The following APPL2 variants were observed in gnomAD, a reference collection of about 807,000 sequenced individuals.
APPL2 encodes adaptor protein, phosphotyrosine interacting with PH domain and leucine zipper 2, also known as DCC-interacting protein 13-beta.
In APPL2, 84 loss-of-function variants were observed where a neutral mutation model predicts 92.7. The ratio of observed to expected loss-of-function variants is 0.91; its 90% CI spans 0.76 to 1.09. The LOEUF is 1.09. APPL2 is among the 50% of genes least tolerant of loss of function. The probability of loss-of-function intolerance (pLI) is 0.00; values close to 1 mark genes in which losing one functional copy is unlikely to be tolerated. For synonymous variants in APPL2, 291 were observed against 291.0 expected, an observed-to-expected ratio of 1.00 and a Z score of 0.00; for missense variants, 736 against 824.5, an observed-to-expected ratio of 0.89 and a Z score of 1.31.
At chr12:105,227,607 T>C (rs147110143) in intron 2 of APPL2, among the ~76,000 whole-genome samples, 339 of 152,308 alleles carry the variant, frequency 2.2e-3, no homozygotes, top group Non-Finnish European at 3.8e-3. Context: ...GACCCCTTCA[T>C]ACCCAATCAA....
intron 17 of APPL2, among the ~76,000 whole-genome samples, chr12:105,180,449 G>A (rs570833106): frequency 2.0e-5 from 3 of 152,246 alleles, no homozygotes; most frequent in South Asian, 4.1e-4. Flanking sequence ...GGATTATCTG[G>A]GCTATGCGGG....
chr12:105,190,039 T>C lies in APPL2; in HGVS notation c.1358A>G (p.Asp453Gly), dbSNP rs1319286498. 1.2e-6 allele frequency: 2 copies of C among 1,614,200 alleles called. No individual in the cohort carries two copies. The highest frequency in any genetic ancestry group is 2.2e-5 in the East Asian group (1 of 44,886). ...GAATTCTGTAGCAGGAAGCACAATATCGAATTGAATCGGCGTTCCAGGCGC... is the reference window on the plus strand; with the variant it reads ...GAATTCTGTAGCAGGAAGCACAATACCGAATTGAATCGGCGTTCCAGGCGC... ...LIAPGTPIQF[D>G]IVLPATEFLD... Residue 453 changes from aspartate (D) to glycine (G), a missense_variant, in exon 15 of 21, where the codon GAT becomes GGT. Transcript: ENST00000258530.
At chr12:105,185,324 C>T (rs1459301404) in intron 17 of APPL2, among the ~76,000 whole-genome samples, 2 of 152,314 alleles carry the variant, frequency 1.3e-5, no homozygotes, top group Non-Finnish European at 2.9e-5. Flanking sequence ...TCTCCTGCAG[C>T]TAGCTCAGTG....
At chr12:105,188,135 A>G (rs1886891202) in intron 17 of APPL2, 138 bp downstream of exon 17, 1 of 937,610 alleles carries the variant, frequency 1.1e-6, no homozygotes, top group African/African-American at 1.7e-5. Context: ...TAGGCTATCT[A>G]TCTTATGTAA....
At chr12:105,201,848 G>A (rs1888236286) in intron 9 of APPL2, among the ~76,000 whole-genome samples, 1 of 152,282 alleles carries the variant, frequency 6.6e-6, no homozygotes, top group South Asian at 2.1e-4. Flanking sequence ...TGGAAACCAT[G>A]CCACGCTGTC....
At chr12:105,206,474 G>C (rs1888712169) in intron 8 of APPL2, among the ~76,000 whole-genome samples, 1 of 152,168 alleles carries the variant, frequency 6.6e-6, no homozygotes, top group Non-Finnish European at 1.5e-5. Context: ...CGCCGCACTG[G>C]TGCCACTACA....
At chr12:105,202,649 A>T (rs959878762) in intron 9 of APPL2, among the ~76,000 whole-genome samples, 1 of 152,216 alleles carries the variant, frequency 6.6e-6, no homozygotes, top group Admixed American at 6.5e-5. Context: ...AGAACCAAAT[A>T]AATTAAAAGG....
intron 2 of APPL2, among the ~76,000 whole-genome samples, chr12:105,219,596 T>A (rs1298412229): frequency 6.6e-6 from 1 of 152,228 alleles, no homozygotes; most frequent in Admixed American, 6.5e-5. Context: ...TCATCTAAAT[T>A]CCAAGTTTAA....
chr12:105,235,013 T>C (rs1891147027), intron 1 of APPL2, among the ~76,000 whole-genome samples: 1 of 152,172 alleles, frequency 6.6e-6, no homozygotes, highest in African/African-American at 2.4e-5. Context: ...GAAGTATTAT[T>C]CACTTAGAAG....
intron 17 of APPL2, among the ~76,000 whole-genome samples, chr12:105,186,943 T>C (rs1886786342): frequency 6.6e-6 from 1 of 151,952 alleles, no homozygotes; most frequent in Non-Finnish European, 1.5e-5. Context: ...TGTCTTTCTG[T>C]TGAGTTTTAT....
At chr12:105,192,047 T>G (rs1178796252) in intron 14 of APPL2, among the ~76,000 whole-genome samples, 1 of 149,742 alleles carries the variant, frequency 6.7e-6, no homozygotes, top group Admixed American at 6.7e-5. Context: ...TCATTTGGGA[T>G]GTTTCACAGG....
rs191498944 is a variant in APPL2, at chr12:105,196,650, A to G, written c.1053-1023T>C. Among the ~76,000 whole-genome samples, 7 of 152,194 alleles carry G rather than the reference A, an allele frequency of 4.6e-5. No individual in the cohort carries two copies. The East Asian group carries it at 1.4e-3, about 29-fold the overall frequency. On this transcript the variant is annotated intron_variant, in intron 11 of 20. Coordinates refer to ENST00000258530, the MANE Select transcript of APPL2 (RefSeq NM_018171.5). ...GAGACGGGGTTTCTCCATGTTGGTC[A>G]TGCTGATCTCAAACTCCCAACCTCA...
chr12:105,218,039 T>C (rs1483335898), intron 2 of APPL2, among the ~76,000 whole-genome samples: 3 of 152,000 alleles, frequency 2.0e-5, no homozygotes, highest in Non-Finnish European at 4.4e-5. Flanking sequence ...GCCCAGGAGG[T>C]TGAGGCTGCA....
chr12:105,214,924 G>A (rs971186546), intron 4 of APPL2, among the ~76,000 whole-genome samples: 1 of 152,202 alleles, frequency 6.6e-6, no homozygotes, highest in Non-Finnish European at 1.5e-5. Context: ...AGGGTTTGGA[G>A]AGCTTCCAGG....
chr12:105,176,511 A>G (rs929040880), intron 19 of APPL2: 9 of 418,900 alleles, frequency 2.1e-5, no homozygotes, highest in Non-Finnish European at 3.3e-5. Context: ...AACTTTTCTA[A>G]TATCTTCCTT....
At chr12:105,227,187 A>G (rs2136083545) in intron 2 of APPL2, among the ~76,000 whole-genome samples, 1 of 152,168 alleles carries the variant, frequency 6.6e-6, no homozygotes, top group East Asian at 1.9e-4. Flanking sequence ...TTTTGTGTAG[A>G]TACAGGTCCT....
intron 2 of APPL2, among the ~76,000 whole-genome samples, chr12:105,226,265 G>A (rs1188716272): frequency 6.6e-6 from 1 of 152,152 alleles, no homozygotes. Flanking sequence ...GAAAAACCAA[G>A]TGTCCTTGGC....
intron 11 of APPL2, among the ~76,000 whole-genome samples, chr12:105,196,199 G>A (rs539011981): frequency 4.6e-5 from 7 of 152,190 alleles, no homozygotes; most frequent in East Asian, 1.9e-4. Flanking sequence ...GGCGGGACTC[G>A]GATCTTCTAG....
At chr12:105,234,925 A>G (rs1370205359) in intron 1 of APPL2, among the ~76,000 whole-genome samples, 2 of 152,246 alleles carry the variant, frequency 1.3e-5, no homozygotes, top group Admixed American at 1.3e-4. Context: ...AAAATGAACA[A>G]AAGACACCTA....
Sources: allele counts gnomAD v4.1 joint callset (sites outside exome capture counted in the v4.1 genomes callset), GRCh38; gene constraint gnomAD v4.1.1; transcripts MANE v1.5; gene names NCBI Gene and HGNC (gene_info 2026-07-23, HGNC 2026-07-21).